The following LINC00305 variants were observed in gnomAD, a reference collection of about 807,000 sequenced individuals.
LINC00305 encodes long independently transcribed non-coding RNA 305, also known as long intergenic non-protein coding RNA 305.
chr18:64,102,354 G>A (rs1313531423), intron 1 of LINC00305, among the ~76,000 whole-genome samples: 1 of 152,076 alleles, frequency 6.6e-6, no homozygotes, highest in Non-Finnish European at 1.5e-5. Context: ...TTTCCCTAGA[G>A]TTTCATAGCA....
chr18:64,147,767 G>A (rs540627394), intron 1 of LINC00305, among the ~76,000 whole-genome samples: 1 of 152,210 alleles, frequency 6.6e-6, no homozygotes, highest in African/African-American at 2.4e-5. Flanking sequence ...GAGGGAGTCT[G>A]GGGGAGGGAG....
chr18:64,094,876 T>C (rs1283914944), intron 3 of LINC00305, among the ~76,000 whole-genome samples: 1 of 150,250 alleles, frequency 6.7e-6, no homozygotes, highest in African/African-American at 2.4e-5. Context: ...AATAAATAAA[T>C]AAATAAATAA....
chr18:64,122,404 G>C (rs1052678404), intron 1 of LINC00305, among the ~76,000 whole-genome samples: 1 of 152,006 alleles, frequency 6.6e-6, no homozygotes, highest in African/African-American at 2.4e-5. Context: ...TTCTGCATAT[G>C]ATGATCCAAT....
At chr18:64,084,681 C>T (rs963582656) in intron 3 of LINC00305, among the ~76,000 whole-genome samples, 1 of 152,202 alleles carries the variant, frequency 6.6e-6, no homozygotes, top group African/African-American at 2.4e-5. Flanking sequence ...ATTTCTCATG[C>T]ATCTGCAGGG....
At chr18:64,112,777 T>G (rs1255337403) in intron 1 of LINC00305, among the ~76,000 whole-genome samples, 1 of 152,206 alleles carries the variant, frequency 6.6e-6, no homozygotes, top group Non-Finnish European at 1.5e-5. Flanking sequence ...CTATTTTACT[T>G]CATAATCAAT....
intron 1 of LINC00305, among the ~76,000 whole-genome samples, chr18:64,140,342 G>T (rs913197229): frequency 6.6e-6 from 1 of 152,056 alleles, no homozygotes; most frequent in African/African-American, 2.4e-5. Context: ...CCAAGTAGCT[G>T]GGATTACAGG....
rs1386042294 is a variant in LINC00305, at chr18:64,143,556, G to GTACATATGTACACATATGTATA, written n.314+5218_314+5219insTATACATATGTGTACATATGTA. Among the ~76,000 whole-genome samples the GTACATATGTACACATATGTATA allele has an allele frequency of 2.3e-3, 19 of 8,306 alleles. 2 individuals are homozygous for GTACATATGTACACATATGTATA. The highest frequency in any genetic ancestry group is 9.3e-3 in the South Asian group (1 of 108). The allele number at this position is 8,306 out of a possible 152,430, so 5.4% of individuals were successfully genotyped here. ...GTACATATATATGTACACATATTAT[G>GTACATATGTACACATATGTATA]TGTACATATATACACATATGTATAT... On this transcript the variant is annotated intron_variant and non_coding_transcript_variant, in intron 1 of 3. Coordinates refer to ENST00000666468, the Ensembl canonical transcript of LINC00305.
chr18:64,123,650 A>G (rs2676674), intron 1 of LINC00305, among the ~76,000 whole-genome samples: 58,844 of 151,452 alleles, frequency 0.39, 11,751 homozygotes, highest in Non-Finnish European at 0.43. Context: ...TTCCTTTCAC[A>G]TTTCTATACG....
intron 1 of LINC00305, among the ~76,000 whole-genome samples, chr18:64,111,910 A>G (rs2051316233): frequency 6.6e-6 from 1 of 152,222 alleles, no homozygotes; most frequent in Admixed American, 6.5e-5. Flanking sequence ...ACTTATCACA[A>G]AATCAAGGAC....
At chr18:64,122,326 GT>G (rs2051365531) in intron 1 of LINC00305, among the ~76,000 whole-genome samples, 1 of 151,920 alleles carries the variant, frequency 6.6e-6, no homozygotes, top group African/African-American at 2.4e-5. Context: ...TAGGACTTAT[GT>G]TTATGTCTTT....
intron 1 of LINC00305, among the ~76,000 whole-genome samples, chr18:64,135,701 T>G (rs940640959): frequency 2.0e-5 from 3 of 152,174 alleles, no homozygotes; most frequent in African/African-American, 7.2e-5. Context: ...TTCTCCTGCC[T>G]CAGCCTCCCG....
At chr18:64,146,352 C>A (rs544258893) in intron 1 of LINC00305, among the ~76,000 whole-genome samples, 76 of 152,192 alleles carry the variant, frequency 5.0e-4, no homozygotes, top group African/African-American at 1.8e-3. Context: ...AAACTGTAAC[C>A]GTATTTTATG....
At chr18:64,143,776 ATGT>A (rs2051482652) in intron 1 of LINC00305, among the ~76,000 whole-genome samples, 3 of 98,990 alleles carry the variant, frequency 3.0e-5, no homozygotes, top group East Asian at 8.6e-4. Context: ...TTATGCGTAC[ATGT>A]ATGTACACAT....
chr18:64,115,275 A>T (rs2051332636), intron 1 of LINC00305, among the ~76,000 whole-genome samples: 1 of 152,242 alleles, frequency 6.6e-6, no homozygotes, highest in Admixed American at 6.5e-5. Context: ...TAGAAGGATG[A>T]CACAGTAATC....
intron 1 of LINC00305, among the ~76,000 whole-genome samples, chr18:64,138,647 C>T (rs768759422): frequency 5.6e-4 from 85 of 152,110 alleles, no homozygotes; most frequent in African/African-American, 1.9e-3. Context: ...GGTTGTTTTC[C>T]TTCACCGTTT....
chr18:64,093,406 C>G (rs572198990), intron 3 of LINC00305, among the ~76,000 whole-genome samples: 1 of 152,288 alleles, frequency 6.6e-6, no homozygotes, highest in Non-Finnish European at 1.5e-5. Context: ...GCGATCTTGG[C>G]TCACTGCAAG....
At chr18:64,120,544 G>A (rs891337195) in intron 1 of LINC00305, among the ~76,000 whole-genome samples, 1 of 147,416 alleles carries the variant, frequency 6.8e-6, no homozygotes, top group African/African-American at 2.5e-5. Flanking sequence ...ATTTGTTTTG[G>A]CGCTAACTTT....
At chr18:64,098,041 A>G (rs1282293092) in intron 2 of LINC00305, 1 of 455,838 alleles carries the variant, frequency 2.2e-6, no homozygotes, top group Non-Finnish European at 4.4e-6. Context: ...GCAACAACTA[A>G]CCAACAACAA....
chr18:64,082,666 T>C (rs2051189623), intron 3 of LINC00305, among the ~76,000 whole-genome samples: 1 of 152,210 alleles, frequency 6.6e-6, no homozygotes, highest in Non-Finnish European at 1.5e-5. Context: ...AGCCTAGTCC[T>C]CTTTCCAGTC....
Sources: gnomAD v4.1 joint callset for allele counts (sites outside exome capture counted in the v4.1 genomes callset) on GRCh38, gnomAD v4.1.1 for gene constraint, MANE v1.5 for transcripts, NCBI Gene and HGNC (gene_info 2026-07-23, HGNC 2026-07-21) for gene names.